The following APLF variants were observed in gnomAD, a reference collection of about 807,000 sequenced individuals.
APLF encodes the protein aprataxin and PNKP like factor.
A neutral mutation model predicts 55.6 loss-of-function variants in APLF; 61 were observed. The ratio of observed to expected loss-of-function variants is 1.10; its 90% confidence interval spans 0.89 to 1.36. The LOEUF (loss-of-function observed/expected upper bound fraction) is 1.36, where lower values mean the gene tolerates loss of function less well. Among genes scored for constraint, APLF ranks in the 40% most tolerant of loss-of-function variants. The pLI is 0.00. For missense variants in APLF, 611 were observed against 602.5 expected (o/e 1.01, Z -0.15); for synonymous variants, 207 against 214.8 (o/e 0.96, Z 0.32).
intron 6 of APLF, chr2:68,528,694 TG>T (rs1404067856): frequency 6.6e-7 from 1 of 1,508,662 alleles, no homozygotes. Flanking sequence ...CTGTTGGAAG[TG>T]GGTCAGGCTT....
intron 3 of APLF, among the ~76,000 whole-genome samples, chr2:68,511,819 A>G (rs937829309): frequency 3.3e-5 from 5 of 151,654 alleles, no homozygotes; most frequent in Non-Finnish European, 5.9e-5. Flanking sequence ...AGAAGTTTTA[A>G]AAATATTGAT....
chr2:68,521,793 C>T (rs898369458), intron 5 of APLF, among the ~76,000 whole-genome samples: 1 of 151,962 alleles, frequency 6.6e-6, no homozygotes, highest in Non-Finnish European at 1.5e-5. Context: ...AGTCCCCATA[C>T]TGTTTGGCTT....
intron 8 of APLF, among the ~76,000 whole-genome samples, chr2:68,555,958 C>G (rs562131898): frequency 4.4e-4 from 67 of 152,066 alleles, no homozygotes; most frequent in Non-Finnish European, 5.4e-4. Flanking sequence ...AACCCAAATG[C>G]GCATCAATAA....
At chr2:68,512,124 A>G (rs1669399812) in intron 3 of APLF, among the ~76,000 whole-genome samples, 1 of 151,756 alleles carries the variant, frequency 6.6e-6, no homozygotes, top group South Asian at 2.1e-4. Flanking sequence ...ATGATAATAT[A>G]GTCATTTAAA....
chr2:68,467,841 G>T lies in APLF; in HGVS notation c.96+14G>T. 8.1e-7 allele frequency: 1 copy of T among 1,231,830 alleles called. No homozygotes were observed. Among genetic ancestry groups the T allele is most frequent in the Non-Finnish European group, 1.0e-6 (1 of 987,748 alleles). 76.3% of individuals were successfully genotyped at this position (1,231,830 alleles called of 1,614,324 possible). ...CCGCTGCTGGGAGTAAGTGTGGGCG[G>T]GGGCTTAGCGGACCCCGAGAGCCGT... On this transcript the variant is annotated intron_variant, in intron 1 of 9. Transcript: ENST00000303795.
chr2:68,570,316 A>G (rs1671421391), intron 9 of APLF, among the ~76,000 whole-genome samples: 1 of 151,016 alleles, frequency 6.6e-6, no homozygotes, highest in Non-Finnish European at 1.5e-5. Context: ...ATTATGCTTT[A>G]AGTTCTAGGG....
chr2:68,570,092 C>T (rs980690822), intron 9 of APLF, among the ~76,000 whole-genome samples: 1 of 151,908 alleles, frequency 6.6e-6, no homozygotes, highest in African/African-American at 2.4e-5. Context: ...TTCTTCTATA[C>T]ATGTAACAGT....
intron 6 of APLF, chr2:68,528,538 T>C: frequency 6.5e-7 from 1 of 1,533,954 alleles, no homozygotes; most frequent in Non-Finnish European, 8.7e-7. Context: ...AAGACCTACT[T>C]GATCCAAGAG....
intron 6 of APLF, among the ~76,000 whole-genome samples, chr2:68,526,947 G>A (rs565294979): frequency 9.2e-5 from 14 of 152,218 alleles, no homozygotes; most frequent in African/African-American, 3.1e-4. Context: ...CTTTAATGTC[G>A]AAAATGCAAA....
At chr2:68,547,458 G>A (rs1670739001) in intron 8 of APLF, among the ~76,000 whole-genome samples, 1 of 151,742 alleles carries the variant, frequency 6.6e-6, no homozygotes, top group Non-Finnish European at 1.5e-5. Context: ...GGCAGGATGT[G>A]TTATACTTTA....
chr2:68,495,208 A>T (rs1290134576), intron 2 of APLF, among the ~76,000 whole-genome samples: 2 of 152,120 alleles, frequency 1.3e-5, no homozygotes, highest in Non-Finnish European at 2.9e-5. Context: ...CAAAGTCTTA[A>T]CTCATTCCAG....
At chr2:68,502,582 A>T (rs1676755469) in intron 2 of APLF, 149 bp from the exon 3 acceptor site, 3 of 428,806 alleles carry the variant, frequency 7.0e-6, no homozygotes, top group Non-Finnish European at 1.1e-5. Context: ...AGATTTATTA[A>T]ACTTTTAAGT....
chr2:68,500,095 T>C (rs998905355), intron 2 of APLF, among the ~76,000 whole-genome samples: 1 of 152,230 alleles, frequency 6.6e-6, no homozygotes, highest in Non-Finnish European at 1.5e-5. Context: ...TAGGTTTTTG[T>C]ATACTTTGTA....
At chr2:68,486,305 T>TG (rs1230769451) in intron 1 of APLF, among the ~76,000 whole-genome samples, 1 of 152,152 alleles carries the variant, frequency 6.6e-6, no homozygotes. Flanking sequence ...TTGGATTTAT[T>TG]TTTTTCTTCC....
intron 8 of APLF, among the ~76,000 whole-genome samples, chr2:68,565,685 G>A (rs370652521): frequency 3.9e-5 from 6 of 152,154 alleles, no homozygotes; most frequent in African/African-American, 1.4e-4. Context: ...TATCACAATA[G>A]TATCGAAGGC....
In APLF at chr2:68,490,495, C is replaced by A. The variant is rs978016159; in HGVS notation, c.168+234C>A. Among the ~76,000 whole-genome samples the A allele has an allele frequency of 5.9e-5, 9 of 152,200 alleles. No individual in the cohort carries two copies. The East Asian group carries it at 1.7e-3, about 29-fold the overall frequency. ...TAGAATTTCAATGAAAGATGACTGC[C>A]AGTTCATGTATATATTATGATTTGG... On this transcript the variant is annotated intron_variant, in intron 2 of 9. Coordinates refer to ENST00000303795, the MANE Select transcript of APLF (RefSeq NM_173545.3).
chr2:68,578,087 A>AC lies in APLF; in HGVS notation c.*66dup. 6.5e-7 allele frequency: 1 copy of AC among 1,535,204 alleles called. No homozygotes were observed. Among genetic ancestry groups the AC allele is most frequent in the Non-Finnish European group, 8.7e-7 (1 of 1,143,342 alleles). ...TTTCTTTGTGGGAAAACATTTATGA[A>AC]CTAAGGAGGTACTTAAGTGACAGTT... is the stretch of plus-strand genomic sequence containing the variant. On this transcript the variant is annotated 3_prime_UTR_variant, in exon 10 of 10. Coordinates refer to ENST00000303795, the MANE Select transcript of APLF (RefSeq NM_173545.3).
chr2:68,477,951 A>G (rs955779562), intron 1 of APLF, among the ~76,000 whole-genome samples: 3 of 152,030 alleles, frequency 2.0e-5, no homozygotes, highest in Non-Finnish European at 4.4e-5. Flanking sequence ...GATTGTTACA[A>G]TACAAGGTGA....
chr2:68,483,279 T>TGGGATCCTCCTGTAGTAAGGACTGC (rs1315917287), intron 1 of APLF, among the ~76,000 whole-genome samples: 2 of 152,164 alleles, frequency 1.3e-5, no homozygotes, highest in African/African-American at 2.4e-5. Context: ...GTAAGGACTG[T>TGGGATCCTCCTGTAGTAAGGACTGC]GGGATTCTCC....
Sources: gnomAD v4.1 joint callset for allele counts (sites outside exome capture counted in the v4.1 genomes callset) on GRCh38, gnomAD v4.1.1 for gene constraint, MANE v1.5 for transcripts, NCBI Gene and HGNC (gene_info 2026-07-23, HGNC 2026-07-21) for gene names.